Variants in TENM2 observed in about 807,000 individuals in gnomAD.
The protein encoded by TENM2 is teneurin-2.
A neutral mutation model predicts 245.2 loss-of-function variants in TENM2; 52 were observed. That is an observed-to-expected ratio of 0.21 (90% CI 0.17 to 0.27). The LOEUF (loss-of-function observed/expected upper bound fraction) is 0.27, where lower values mean the gene tolerates loss of function less well. Among genes scored for constraint, TENM2 ranks in the 10% least tolerant of loss-of-function variants. The pLI, the probability that TENM2 is intolerant of heterozygous loss-of-function variation, is 1.00. For missense variants in TENM2, 3,046 were observed against 3,666.8 expected, an observed-to-expected ratio of 0.83 and a Z score of 4.37; for synonymous variants, 1,363 against 1,438.9, an observed-to-expected ratio of 0.95 and a Z score of 1.19.
In TENM2 at chr5:167,489,335, C is replaced by T. The variant is rs150982776; in HGVS notation, c.502+113862C>T. 4.2e-3 allele frequency among the ~76,000 whole-genome samples: 636 copies of T among 152,200 alleles called. 7 individuals carry two copies. The highest frequency in any genetic ancestry group is 0.014 in the African/African-American group (601 of 41,538). ...CCTTCTGTGATGTAGTATACTGGCC[C>T]CCTTGCTGGTTCTAGACATCCCCAG... On this transcript the variant is annotated intron_variant, in intron 2 of 28. Coordinates refer to ENST00000518659, the Ensembl canonical transcript of TENM2.
chr5:167,769,887 G>C (rs1225418000), intron 2 of TENM2, among the ~76,000 whole-genome samples: 1 of 151,952 alleles, frequency 6.6e-6, no homozygotes, highest in Admixed American at 6.6e-5. Flanking sequence ...GCTTGGTGTG[G>C]GTCTAAACCT....
At chr5:168,101,804 A>G (rs1484949352) in intron 9 of TENM2, among the ~76,000 whole-genome samples, 2 of 152,018 alleles carry the variant, frequency 1.3e-5, no homozygotes, top group Non-Finnish European at 2.9e-5. Flanking sequence ...GAAGAGTGTT[A>G]GGAGTAGGAT....
chr5:167,816,237 A>G (rs1196843721), intron 2 of TENM2, among the ~76,000 whole-genome samples: 1 of 151,856 alleles, frequency 6.6e-6, no homozygotes, highest in East Asian at 1.9e-4. Context: ...GCCACATTCT[A>G]CTCCCTTCCT....
intron 2 of TENM2, among the ~76,000 whole-genome samples, chr5:167,626,034 T>C (rs1778478808): frequency 6.6e-6 from 1 of 152,144 alleles, no homozygotes; most frequent in Non-Finnish European, 1.5e-5. Context: ...CCCACCAATA[T>C]TTCTTCCACA....
chr5:167,326,877 TTC>T (rs929220022), intron 1 of TENM2, among the ~76,000 whole-genome samples: 1 of 151,766 alleles, frequency 6.6e-6, no homozygotes, highest in African/African-American at 2.4e-5. Flanking sequence ...AAGAAATAGT[TTC>T]TGTCTCAAGT....
At chr5:167,118,786 G>T in the TENM2 span, among the ~76,000 whole-genome samples, 1 of 152,170 alleles carries the variant, frequency 6.6e-6, no homozygotes, top group Non-Finnish European at 1.5e-5. Context: ...GGGTAGTACG[G>T]AGTTCTGTGT....
At chr5:167,670,744 T>C (rs1582706646) in intron 2 of TENM2, among the ~76,000 whole-genome samples, 1 of 152,194 alleles carries the variant, frequency 6.6e-6, no homozygotes, top group Non-Finnish European at 1.5e-5. Flanking sequence ...GATTTTCCTA[T>C]GTCAGTGCCC....
At chr5:167,849,350 C>A (rs1770357289) in intron 2 of TENM2, among the ~76,000 whole-genome samples, 1 of 152,066 alleles carries the variant, frequency 6.6e-6, no homozygotes, top group Non-Finnish European at 1.5e-5. Flanking sequence ...TTGTTTTTCC[C>A]CACTCTCACA....
intron 2 of TENM2, among the ~76,000 whole-genome samples, chr5:167,637,110 G>A (rs1443761275): frequency 2.0e-5 from 3 of 152,290 alleles, no homozygotes; most frequent in African/African-American, 4.8e-5. Context: ...TACTGTAAAT[G>A]TTAAATGAAC....
At chr5:168,017,193 G>A (rs950757889) in intron 5 of TENM2, among the ~76,000 whole-genome samples, 3 of 152,174 alleles carry the variant, frequency 2.0e-5, no homozygotes, top group Non-Finnish European at 4.4e-5. Flanking sequence ...TAGAAGCAGG[G>A]GACAGGGGTA....
intron 9 of TENM2, among the ~76,000 whole-genome samples, chr5:168,102,328 C>T (rs1793889657): frequency 1.3e-5 from 2 of 152,258 alleles, no homozygotes; most frequent in Non-Finnish European, 2.9e-5. Flanking sequence ...CCGCCTCAGC[C>T]TCCCAAAGTG....
chr5:167,125,319 C>T, the TENM2 span, among the ~76,000 whole-genome samples: 3 of 152,306 alleles, frequency 2.0e-5, no homozygotes, highest in Non-Finnish European at 4.4e-5. Context: ...ATTAAGTACA[C>T]GATCAGTAAC....
chr5:167,690,090 A>G (rs895626125), intron 2 of TENM2, among the ~76,000 whole-genome samples: 32 of 143,848 alleles, frequency 2.2e-4, no homozygotes, highest in Admixed American at 8.7e-4. Flanking sequence ...GAAATTTAGG[A>G]AAAAAACACA....
chr5:167,041,375 A>G, the TENM2 span, among the ~76,000 whole-genome samples: 1 of 152,204 alleles, frequency 6.6e-6, no homozygotes. Flanking sequence ...ACCAATGCTT[A>G]GAGAAGCAGA....
intron 13 of TENM2, among the ~76,000 whole-genome samples, chr5:168,164,355 A>G (rs933523955): frequency 6.6e-6 from 1 of 152,132 alleles, no homozygotes; most frequent in African/African-American, 2.4e-5. Flanking sequence ...AGCCATAGAT[A>G]CTATGCTATG....
chr5:167,586,027 G>A (rs890279104), intron 2 of TENM2, among the ~76,000 whole-genome samples: 3 of 152,180 alleles, frequency 2.0e-5, no homozygotes, highest in South Asian at 2.1e-4. Flanking sequence ...GGGAGGCTGA[G>A]GTCACAAGAT....
the TENM2 span, among the ~76,000 whole-genome samples, chr5:167,212,117 T>C: frequency 7.9e-5 from 12 of 152,184 alleles, no homozygotes; most frequent in African/African-American, 2.9e-4. Context: ...AGATTGCTTT[T>C]AGCTTTGTGG....
intron 2 of TENM2, among the ~76,000 whole-genome samples, chr5:167,584,147 A>G (rs543300646): frequency 8.5e-5 from 13 of 152,338 alleles, no homozygotes; most frequent in African/African-American, 3.1e-4. Flanking sequence ...GGCGTTTTAA[A>G]CAAATAATTG....
exon 27 of TENM2, chr5:168,248,180 G>A (rs772572423): frequency 2.5e-6 from 4 of 1,614,030 alleles, no homozygotes; most frequent in Non-Finnish European, 3.4e-6. Context: ...TTCCATGGGG[G>A]ACTCTATGAC....
Sources: allele counts gnomAD v4.1 joint callset (sites outside exome capture counted in the v4.1 genomes callset), GRCh38; gene constraint gnomAD v4.1.1; transcripts MANE v1.5; gene names NCBI Gene and HGNC (gene_info 2026-07-23, HGNC 2026-07-21).